Variants in ACO1 observed in about 807,000 individuals in gnomAD.
ACO1 encodes the protein cytoplasmic aconitate hydratase.
ACO1 carries 78 observed loss-of-function variants against 105.1 expected under a neutral mutation model. The ratio of observed to expected loss-of-function variants is 0.74; its 90% CI spans 0.62 to 0.90. ACO1 has a LOEUF of 0.90. Ranked by LOEUF, ACO1 falls within the 40% of genes least tolerant of loss-of-function variation. The pLI is 0.00. For synonymous variants in ACO1, 364 were observed against 397.4 expected, an observed-to-expected ratio of 0.92 and a Z score of 1.00; for missense variants, 965 against 1,111.1, an observed-to-expected ratio of 0.87 and a Z score of 1.87.
chr9:32,393,146 C>G (rs1478740220), intron 1 of ACO1, among the ~76,000 whole-genome samples: 3 of 152,198 alleles, frequency 2.0e-5, no homozygotes, highest in Non-Finnish European at 4.4e-5. Flanking sequence ...TAACCTTAAA[C>G]TCTGACTGCC....
At chr9:32,405,632 A>T in intron 2 of ACO1, 29 bp downstream of exon 2, 2 of 1,481,714 alleles carry the variant, frequency 1.3e-6, no homozygotes, top group East Asian at 2.3e-5. Flanking sequence ...TAGCAATTGG[A>T]ATCTCATTTG....
chr9:32,446,067 T>C (rs960289310), intron 19 of ACO1, among the ~76,000 whole-genome samples: 28 of 152,228 alleles, frequency 1.8e-4, no homozygotes, highest in African/African-American at 6.8e-4. Flanking sequence ...AGTGTGGTGC[T>C]GAGAAGAATG....
chr9:32,413,279 A>G (rs1186235913), intron 4 of ACO1, among the ~76,000 whole-genome samples: 3 of 151,984 alleles, frequency 2.0e-5, no homozygotes, highest in Non-Finnish European at 2.9e-5. Flanking sequence ...AGGTCAGGAG[A>G]TCAAGACCAT....
In ACO1 at chr9:32,424,048, C is replaced by G. The variant is rs148065271; in HGVS notation, c.1072-501C>G. On this transcript the variant is annotated intron_variant, in intron 9 of 20. Transcript: ENST00000309951. ...ACGTTTTTCTAGACAACAAGGTAAA[C>G]TAGCCCTGCGACCCATGTTTGGTTT... Among the ~76,000 whole-genome samples the G allele has an allele frequency of 2.3e-3, 352 of 152,308 alleles. 1 individual carries two copies. Among genetic ancestry groups the G allele is most frequent in the African/African-American group, 7.9e-3 (329 of 41,574 alleles).
chr9:32,428,151 G>T (rs1214219777), intron 12 of ACO1, among the ~76,000 whole-genome samples: 2 of 151,718 alleles, frequency 1.3e-5, no homozygotes, highest in African/African-American at 4.8e-5. Flanking sequence ...AGGCATGGTG[G>T]TGCATGCCTG....
chr9:32,418,598 G>A (rs763718428), intron 6 of ACO1, 87 bp downstream of exon 6: 45 of 1,423,298 alleles, frequency 3.2e-5, no homozygotes, highest in Non-Finnish European at 4.2e-5. Context: ...GAATTTACAT[G>A]ACCACAAGTT....
chr9:32,441,479 T>G (rs1822478717), intron 19 of ACO1, among the ~76,000 whole-genome samples: 1 of 152,222 alleles, frequency 6.6e-6, no homozygotes, highest in Non-Finnish European at 1.5e-5. Flanking sequence ...CTCCAGACAT[T>G]TAGGCTTCTG....
At chr9:32,415,833 T>G (rs1381483815) in intron 4 of ACO1, among the ~76,000 whole-genome samples, 1 of 152,192 alleles carries the variant, frequency 6.6e-6, no homozygotes, top group Non-Finnish European at 1.5e-5. Flanking sequence ...GCAAATACTT[T>G]AGGCTTTGCT....
chr9:32,420,964 T>A lies in ACO1; in HGVS notation c.907T>A (p.Tyr303Asn). The A allele has an allele frequency of 6.2e-7, 1 of 1,614,056 alleles. No homozygotes were observed. The highest frequency in any genetic ancestry group is 8.5e-7 in the Non-Finnish European group (1 of 1,180,006). Residue 303 changes from tyrosine to asparagine, a missense_variant, in exon 8 of 21, where the codon TAC becomes AAC. Tyr to Asn is a moderately radical substitution (Grantham distance 143). Transcript: ENST00000309951. Reference protein sequence around the residue: ...RATIANMCPEYGATAAFFPVD... With the variant: ...RATIANMCPENGATAAFFPVD... ...TACGATTGCTAACATGTGTCCAGAG[T>A]ACGGAGCAACTGCTGCCTTTTTCCC...
chr9:32,447,553 G>A (rs1822644197), intron 19 of ACO1, among the ~76,000 whole-genome samples: 1 of 152,160 alleles, frequency 6.6e-6, no homozygotes, highest in Non-Finnish European at 1.5e-5. Context: ...CCCACCTTCT[G>A]AAGCCTGCTT....
rs1821678796 is a variant in ACO1 at position 32,409,131 on chromosome 9, C to T, written c.404+480C>T. On this transcript the variant is annotated intron_variant, in intron 4 of 20. Transcript: ENST00000309951. ...CTTCTTTTGTTTGGGACATCCTCTC[C>T]TCTGTTCCTGCCAAATCTTACCTGT... 1.3e-5 allele frequency among the ~76,000 whole-genome samples: 2 copies of T among 152,212 alleles called. 1 individual carries two copies. Among genetic ancestry groups the T allele is most frequent in the South Asian group, 4.1e-4 (2 of 4,834 alleles).
At chr9:32,426,140 A>G in intron 11 of ACO1, 143 bp downstream of exon 11, 1 of 791,254 alleles carries the variant, frequency 1.3e-6, no homozygotes, top group South Asian at 2.2e-5. Context: ...ATTGGCCCAT[A>G]AATATCTACA....
In ACO1 at chr9:32,453,987, G is replaced by A. The variant is rs1038002845; in HGVS notation, c.*3876G>A. The A allele has an allele frequency of 6.6e-6, 1 of 152,162 alleles. No individual in the cohort carries two copies. Among genetic ancestry groups the A allele is most frequent in the Non-Finnish European group, 1.5e-5 (1 of 68,018 alleles). 9.4% of individuals were successfully genotyped at this position (152,162 alleles called of 1,614,324 possible). On this transcript the variant is annotated 3_prime_UTR_variant, in exon 21 of 21. Coordinates refer to ENST00000309951, the MANE Select transcript of ACO1 (RefSeq NM_002197.3). Reference sequence around the variant, plus strand: ...ATGAAATTCGTAGTTTTATTTTACGGCATAATGAAACAGAGTTCCAGACAT... The same window carrying A: ...ATGAAATTCGTAGTTTTATTTTACGACATAATGAAACAGAGTTCCAGACAT...
At chr9:32,420,831 C>T (rs1191028071) in intron 7 of ACO1, 25 bp from the exon 8 acceptor site, 1 of 1,603,248 alleles carries the variant, frequency 6.2e-7, no homozygotes, top group Non-Finnish European at 8.5e-7. Flanking sequence ...AGATCTCAAA[C>T]TTTTCTGTTG....
At chr9:32,407,226 C>G in intron 2 of ACO1, 35 bp from the exon 3 acceptor site, 1 of 1,607,016 alleles carries the variant, frequency 6.2e-7, no homozygotes, top group Non-Finnish European at 8.5e-7. Context: ...AGTTGTCTCA[C>G]AGGTTTTGTT....
chr9:32,421,261 A>G (rs1461285631), intron 8 of ACO1, among the ~76,000 whole-genome samples: 2 of 152,218 alleles, frequency 1.3e-5, no homozygotes, highest in African/African-American at 2.4e-5. Context: ...GGATATTTAT[A>G]CTGGTCCTCT....
chr9:32,412,385 TAAG>T lies in ACO1; in HGVS notation c.404+3738_404+3740del, dbSNP rs72561755. 7.6e-3 allele frequency among the ~76,000 whole-genome samples: 1,154 copies of T among 152,308 alleles called. 7 individuals carry two copies. The highest frequency in any genetic ancestry group is 0.026 in the South Asian group (127 of 4,826). On this transcript the variant is annotated intron_variant, in intron 4 of 20. Coordinates refer to ENST00000309951, the MANE Select transcript of ACO1 (RefSeq NM_002197.3). ...ATTGCAACTGTCTTCATTTTCCTAA[TAAG>T]AAGCTATTATTTTTATAATTAAGTC...
intron 8 of ACO1, among the ~76,000 whole-genome samples, chr9:32,422,193 G>A (rs1301844365): frequency 6.6e-6 from 1 of 152,318 alleles, no homozygotes; most frequent in Admixed American, 6.5e-5. Context: ...CCGTGGTGCT[G>A]CAGGTGGCCA....
chr9:32,427,952 A>C (rs906567003), intron 12 of ACO1, among the ~76,000 whole-genome samples: 2 of 151,806 alleles, frequency 1.3e-5, no homozygotes, highest in Non-Finnish European at 2.9e-5. Context: ...TGAAGTTTTT[A>C]TTTTTTTACT....
Sources: allele counts gnomAD v4.1 joint callset (sites outside exome capture counted in the v4.1 genomes callset), GRCh38; gene constraint gnomAD v4.1.1; transcripts MANE v1.5; gene names NCBI Gene and HGNC (gene_info 2026-07-23, HGNC 2026-07-21).